Variants in DPP10 observed in about 807,000 individuals in gnomAD.
DPP10 encodes inactive dipeptidyl peptidase 10.
Under a neutral mutation model 120.9 loss-of-function variants are expected in DPP10, and 33 were observed. The ratio of observed to expected loss-of-function variants is 0.27; its 90% confidence interval spans 0.21 to 0.37. The LOEUF is 0.37. Ranked by LOEUF, DPP10 falls within the 10% of genes least tolerant of loss-of-function variation. The pLI, the probability that DPP10 is intolerant of heterozygous loss-of-function variation, is 1.00. For synonymous variants in DPP10, 337 were observed against 326.1 expected, an observed-to-expected ratio of 1.03 and a Z score of -0.36; for missense variants, 816 against 942.8, an observed-to-expected ratio of 0.87 and a Z score of 1.76.
At chr2:115,633,871 G>A (rs569543594) in intron 5 of DPP10, among the ~76,000 whole-genome samples, 5 of 152,188 alleles carry the variant, frequency 3.3e-5, no homozygotes, top group South Asian at 4.2e-4. Flanking sequence ...ATATCCTGAC[G>A]TATGTTTTAC....
chr2:115,493,616 A>G (rs1417723466), intron 3 of DPP10, among the ~76,000 whole-genome samples: 1 of 152,112 alleles, frequency 6.6e-6, no homozygotes, highest in East Asian at 1.9e-4. Context: ...AACAAATACC[A>G]GGGCAAGATA....
At chr2:114,888,098 G>A (rs1405789235) in intron 1 of DPP10, among the ~76,000 whole-genome samples, 6 of 149,316 alleles carry the variant, frequency 4.0e-5, no homozygotes, top group East Asian at 3.9e-4. Context: ...AGCCGAGGTC[G>A]TGCTGCTGCA....
intron 1 of DPP10, among the ~76,000 whole-genome samples, chr2:115,112,724 G>C (rs1352263579): frequency 1.3e-5 from 2 of 152,206 alleles, no homozygotes; most frequent in Non-Finnish European, 2.9e-5. Context: ...GCGGGGAGGT[G>C]TTGGCCAAAG....
chr2:115,542,017 A>G (rs2148966717), intron 5 of DPP10, among the ~76,000 whole-genome samples: 1 of 152,106 alleles, frequency 6.6e-6, no homozygotes, highest in African/African-American at 2.4e-5. Flanking sequence ...TCTTGCATAC[A>G]AATAGTGCAT....
intron 5 of DPP10, among the ~76,000 whole-genome samples, chr2:115,638,265 G>C (rs2086513075): frequency 6.6e-6 from 1 of 152,184 alleles, no homozygotes; most frequent in Non-Finnish European, 1.5e-5. Flanking sequence ...AACTGTGCTT[G>C]AAGGGTTGGT....
intron 5 of DPP10, among the ~76,000 whole-genome samples, chr2:115,570,792 A>G (rs1575207445): frequency 6.6e-6 from 1 of 152,396 alleles, no homozygotes; most frequent in East Asian, 1.9e-4. Context: ...ATGGAAGACT[A>G]GACAATTTGA....
At chr2:115,346,833 G>A (rs147445293) in intron 3 of DPP10, among the ~76,000 whole-genome samples, 3 of 152,100 alleles carry the variant, frequency 2.0e-5, no homozygotes, top group Non-Finnish European at 2.9e-5. Flanking sequence ...AAACTTATCC[G>A]AACACACACC....
At chr2:115,015,737 C>T (rs563014675) in intron 1 of DPP10, among the ~76,000 whole-genome samples, 2 of 152,226 alleles carry the variant, frequency 1.3e-5, no homozygotes, top group Admixed American at 6.5e-5. Flanking sequence ...CACGAGTGAA[C>T]TCCAATTCAC....
chr2:114,663,271 T>TATATATATATATATATAC (rs375462897), intron 1 of DPP10, among the ~76,000 whole-genome samples: 75 of 147,330 alleles, frequency 5.1e-4, no homozygotes, highest in East Asian at 1.0e-3. Flanking sequence ...TATATATATA[T>TATATATATATATATATAC]ACACACACAT....
At chr2:114,968,478 G>T (rs965690811) in intron 1 of DPP10, among the ~76,000 whole-genome samples, 1 of 152,054 alleles carries the variant, frequency 6.6e-6, no homozygotes, top group Non-Finnish European at 1.5e-5. Context: ...TTGATGTCCA[G>T]CATCTCAATC....
chr2:115,022,440 G>A (rs1212051568), intron 1 of DPP10, among the ~76,000 whole-genome samples: 1 of 151,804 alleles, frequency 6.6e-6, no homozygotes, highest in Non-Finnish European at 1.5e-5. Flanking sequence ...AAATACATAG[G>A]AATATATCTA....
At chr2:114,663,333 G>A (rs1415553869) in intron 1 of DPP10, among the ~76,000 whole-genome samples, 1 of 149,598 alleles carries the variant, frequency 6.7e-6, no homozygotes, top group African/African-American at 2.4e-5. Flanking sequence ...AAATGAGTGA[G>A]CTCTGGTTTA....
intron 1 of DPP10, among the ~76,000 whole-genome samples, chr2:114,599,378 G>C (rs372543861): frequency 4.6e-5 from 7 of 151,690 alleles, no homozygotes; most frequent in African/African-American, 1.7e-4. Flanking sequence ...ATTTTCCTTT[G>C]CAGGTCACTC....
chr2:114,792,990 T>TTGTG (rs55780807), intron 1 of DPP10, among the ~76,000 whole-genome samples: 3,892 of 143,672 alleles, frequency 0.027, 150 homozygotes, highest in African/African-American at 0.087. Flanking sequence ...AACTGTATTA[T>TTGTG]TGTGTGTGTG....
At chr2:115,169,977 C>T (rs1309501103) in intron 1 of DPP10, among the ~76,000 whole-genome samples, 4 of 152,148 alleles carry the variant, frequency 2.6e-5, no homozygotes, top group Non-Finnish European at 4.4e-5. Context: ...AAAGTCTGCT[C>T]TGAAAACAGA....
chr2:114,976,868 T>C (rs931997110), intron 1 of DPP10, among the ~76,000 whole-genome samples: 1 of 152,256 alleles, frequency 6.6e-6, no homozygotes, highest in Non-Finnish European at 1.5e-5. Flanking sequence ...ATTCCATTTG[T>C]TGGATTTTCT....
At chr2:114,647,685 G>A (rs1241342679) in intron 1 of DPP10, among the ~76,000 whole-genome samples, 4 of 151,392 alleles carry the variant, frequency 2.6e-5, no homozygotes, top group Non-Finnish European at 5.9e-5. Flanking sequence ...CACCTATGAT[G>A]ATGATTCTGG....
At chr2:115,738,219 G>A (rs924878825) in intron 8 of DPP10, among the ~76,000 whole-genome samples, 2 of 152,132 alleles carry the variant, frequency 1.3e-5, no homozygotes, top group South Asian at 2.1e-4. Flanking sequence ...CCGTTCCTAT[G>A]TTCTCTTGGA....
At position 115,593,577 on chromosome 2, in the gene DPP10, A is replaced by AT. The variant is rs112533888; in HGVS notation, c.441+67606dup. ...AGAAAAATGGAAGAAAAAATGGGAAATAAAAAAATGTTAGTTTGGAGACTT... is the reference window on the plus strand; with the variant it reads ...AGAAAAATGGAAGAAAAAATGGGAAATTAAAAAAATGTTAGTTTGGAGACTT... On this transcript the variant is annotated intron_variant, in intron 5 of 25. Transcript: ENST00000410059. 3.7e-3 allele frequency among the ~76,000 whole-genome samples: 473 copies of AT among 128,188 alleles called. 2 individuals carry two copies. The highest frequency in any genetic ancestry group is 0.014 in the African/African-American group (449 of 30,990). 84.1% of individuals were successfully genotyped at this position (128,188 alleles called of 152,430 possible). A position where few individuals can be genotyped will look rare whatever the true frequency, so the allele number is the denominator to read the frequency against.
Sources: allele counts gnomAD v4.1 joint callset (sites outside exome capture counted in the v4.1 genomes callset), GRCh38; gene constraint gnomAD v4.1.1; transcripts MANE v1.5; gene names NCBI Gene and HGNC (gene_info 2026-07-23, HGNC 2026-07-21).